Variants in SLC44A5 observed in about 807,000 individuals in gnomAD.
SLC44A5 encodes the protein choline transporter-like protein 5.
In SLC44A5, 57 loss-of-function variants were observed where a neutral mutation model predicts 101.8. The observed-to-expected ratio is 0.56, with a 90% CI of 0.45 to 0.70. The LOEUF (loss-of-function observed/expected upper bound fraction) is 0.70. Among genes scored for constraint, SLC44A5 ranks in the 30% least tolerant of loss-of-function variants. SLC44A5 has a pLI of 0.00. For missense variants in SLC44A5, 737 were observed against 853.1 expected (o/e 0.86, Z 1.70); for synonymous variants, 281 against 290.9 (o/e 0.97, Z 0.35).
chr1:75,350,582 C>CA (rs1658570188), intron 3 of SLC44A5, among the ~76,000 whole-genome samples: 2 of 150,688 alleles, frequency 1.3e-5, no homozygotes, highest in South Asian at 2.1e-4. Flanking sequence ...TATGTATATA[C>CA]AAAAAACAAG....
At chr1:75,675,709 C>A in the SLC44A5 span, among the ~76,000 whole-genome samples, 11 of 152,218 alleles carry the variant, frequency 7.2e-5, 1 homozygote, top group South Asian at 2.3e-3. Flanking sequence ...CAAATGGGAT[C>A]TAATTAAACT....
At position 75,473,168 on chromosome 1, in the gene SLC44A5, A is replaced by C. The variant is rs150956555; in HGVS notation, c.13+68267T>G. On this transcript the variant is annotated intron_variant, in intron 2 of 23. Transcript: ENST00000370859. Reference sequence around the variant, plus strand: ...TTCAGCTAAGTGTCCTTTTTTATGCATGAAAATTACTCACAAGCATTTCCC... The same window carrying C: ...TTCAGCTAAGTGTCCTTTTTTATGCCTGAAAATTACTCACAAGCATTTCCC... Among the ~76,000 whole-genome samples, 16 of 152,312 alleles carry C rather than the reference A, an allele frequency of 1.1e-4. No homozygotes were observed. The East Asian group carries it at 1.2e-3, about 11-fold the overall frequency.
chr1:75,543,997 T>C (rs934717885), intron 1 of SLC44A5, among the ~76,000 whole-genome samples: 3 of 152,122 alleles, frequency 2.0e-5, no homozygotes, highest in African/African-American at 7.2e-5. Flanking sequence ...TTGAAATAAT[T>C]TCAAACTTAC....
At chr1:75,623,960 T>C in the SLC44A5 span, among the ~76,000 whole-genome samples, 20 of 152,148 alleles carry the variant, frequency 1.3e-4, no homozygotes, top group Non-Finnish European at 2.2e-4. Flanking sequence ...TCTTGGTTTC[T>C]AAATACCATC....
chr1:75,328,491 A>G (rs1358563354), intron 4 of SLC44A5, among the ~76,000 whole-genome samples: 2 of 152,168 alleles, frequency 1.3e-5, no homozygotes, highest in African/African-American at 4.8e-5. Context: ...TTATCTAAGA[A>G]TAGGAGATAG....
At chr1:75,395,973 G>A (rs1336616892) in intron 3 of SLC44A5, among the ~76,000 whole-genome samples, 1 of 152,152 alleles carries the variant, frequency 6.6e-6, no homozygotes, top group African/African-American at 2.4e-5. Flanking sequence ...AGAAATTCTT[G>A]AAGCCAGTGC....
At chr1:75,435,979 C>T (rs564808522) in intron 2 of SLC44A5, among the ~76,000 whole-genome samples, 1 of 152,028 alleles carries the variant, frequency 6.6e-6, no homozygotes, top group South Asian at 2.1e-4. Flanking sequence ...GTTATAATCG[C>T]AAATAAGAGT....
chr1:75,673,588 A>T, the SLC44A5 span, among the ~76,000 whole-genome samples: 1 of 152,112 alleles, frequency 6.6e-6, no homozygotes, highest in African/African-American at 2.4e-5. Context: ...GTAGGTAGGG[A>T]GTGGTCACAG....
chr1:75,259,138 C>T (rs1198665202), intron 6 of SLC44A5, among the ~76,000 whole-genome samples: 2 of 152,132 alleles, frequency 1.3e-5, no homozygotes, highest in East Asian at 1.9e-4. Flanking sequence ...AGGATCACAA[C>T]TCCTCGCCAG....
Position 75,213,884 on chromosome 1 carries a change from CTTTTT to C in SLC44A5, c.1873+30_1873+34del, listed in dbSNP as rs71697809. On this transcript the variant is annotated intron_variant, in intron 21 of 23. Transcript: ENST00000370859. ...GCAGTTTTTCCAAGCATCTTTTAAACTTTTTTTTTTATTATTTTCATCATGATTAC... is the reference window on the plus strand; with the variant it reads ...GCAGTTTTTCCAAGCATCTTTTAAACTTTTTATTATTTTCATCATGATTAC... 3.5e-6 allele frequency: 5 copies of C among 1,427,050 alleles called. No individual in the cohort carries two copies. The African/African-American group carries it at 5.8e-5, about 17-fold the overall frequency. The allele number at this position is 1,427,050 out of a possible 1,614,324, so 88.4% of individuals were successfully genotyped here. A position where few individuals can be genotyped will look rare whatever the true frequency, so the allele number is the denominator to read the frequency against.
chr1:75,672,495 T>G, the SLC44A5 span, among the ~76,000 whole-genome samples: 2,848 of 151,570 alleles, frequency 0.019, 39 homozygotes, highest in Middle Eastern at 0.045. Flanking sequence ...TGCTCTGGGG[T>G]GCTTAATAAA....
chr1:75,303,944 T>C (rs1654708412), intron 4 of SLC44A5, among the ~76,000 whole-genome samples: 1 of 152,078 alleles, frequency 6.6e-6, no homozygotes, highest in African/African-American at 2.4e-5. Flanking sequence ...CCCTAGAACT[T>C]AAAGTATAAT....
intron 2 of SLC44A5, among the ~76,000 whole-genome samples, chr1:75,410,976 G>A (rs1031360282): frequency 6.6e-6 from 1 of 152,070 alleles, no homozygotes; most frequent in African/African-American, 2.4e-5. Flanking sequence ...TTGAGGTAGT[G>A]ATAGTGCATG....
At chr1:75,597,492 C>A (rs1674709718) in intron 1 of SLC44A5, among the ~76,000 whole-genome samples, 1 of 151,986 alleles carries the variant, frequency 6.6e-6, no homozygotes, top group Non-Finnish European at 1.5e-5. Flanking sequence ...ATAGCCAAGG[C>A]AATCATACAC....
At chr1:75,658,122 T>TGTGTTG in the SLC44A5 span, among the ~76,000 whole-genome samples, 1 of 152,130 alleles carries the variant, frequency 6.6e-6, no homozygotes, top group African/African-American at 2.4e-5. Context: ...ACAGGGTCTT[T>TGTGTTG]CTCTGTCACC....
intron 2 of SLC44A5, among the ~76,000 whole-genome samples, chr1:75,451,563 T>A (rs1314258466): frequency 4.0e-5 from 6 of 151,484 alleles, no homozygotes; most frequent in Non-Finnish European, 5.9e-5. Flanking sequence ...ATGACAAAAA[T>A]TAAAACTAAT....
the SLC44A5 span, among the ~76,000 whole-genome samples, chr1:75,695,134 T>C: frequency 1.3e-5 from 2 of 152,166 alleles, no homozygotes; most frequent in African/African-American, 4.8e-5. Flanking sequence ...GTCACCAAAT[T>C]TAATTTCATG....
At chr1:75,314,025 GT>G (rs1655506385) in intron 4 of SLC44A5, among the ~76,000 whole-genome samples, 1 of 152,108 alleles carries the variant, frequency 6.6e-6, no homozygotes. Context: ...AGATAATAAG[GT>G]GAATGATGAT....
At chr1:75,280,718 C>T (rs536325638) in intron 5 of SLC44A5, among the ~76,000 whole-genome samples, 12 of 151,320 alleles carry the variant, frequency 7.9e-5, no homozygotes, top group African/African-American at 2.7e-4. Context: ...TGAGTGAGTT[C>T]TCATGAGATC....
Sources: allele counts gnomAD v4.1 joint callset (sites outside exome capture counted in the v4.1 genomes callset), GRCh38; gene constraint gnomAD v4.1.1; transcripts MANE v1.5; gene names NCBI Gene and HGNC (gene_info 2026-07-23, HGNC 2026-07-21).